Variants in DENND4A observed in about 807,000 individuals in gnomAD.
DENND4A encodes the protein C-myc promoter-binding protein.
In DENND4A, 70 loss-of-function variants were observed where a neutral mutation model predicts 199.3. That is an observed-to-expected ratio of 0.35 (90% CI 0.29 to 0.43). The LOEUF (loss-of-function observed/expected upper bound fraction) is 0.43, where lower values mean the gene tolerates loss of function less well. Among genes scored for constraint, DENND4A ranks in the 20% least tolerant of loss-of-function variants. DENND4A has a pLI of 1.00. For missense variants in DENND4A, 1,723 were observed against 2,255.8 expected (o/e 0.76, Z 4.78); for synonymous variants, 686 against 766.9 (o/e 0.89, Z 1.74).
At chr15:65,717,575 A>G (rs1376509060) in intron 13 of DENND4A, among the ~76,000 whole-genome samples, 4 of 152,132 alleles carry the variant, frequency 2.6e-5, no homozygotes, top group Admixed American at 6.5e-5. Flanking sequence ...TTTCTTCTGC[A>G]TATCTGCTAA....
At chr15:65,708,215 C>T (rs1426691794) in intron 14 of DENND4A, among the ~76,000 whole-genome samples, 1 of 152,092 alleles carries the variant, frequency 6.6e-6, no homozygotes, top group African/African-American at 2.4e-5. Context: ...CTATGTTGCC[C>T]AGACTGGTCT....
intron 1 of DENND4A, among the ~76,000 whole-genome samples, chr15:65,785,848 T>C (rs1226166329): frequency 1.3e-5 from 2 of 152,112 alleles, no homozygotes; most frequent in Admixed American, 6.6e-5. Context: ...TTGGTCACTG[T>C]TCAAGAAATC....
In DENND4A at chr15:65,789,990, A is replaced by C. The variant is rs568188438; in HGVS notation, c.-102+2020T>G. On this transcript the variant is annotated intron_variant, in intron 1 of 32. Coordinates refer to ENST00000443035, the MANE Select transcript of DENND4A (RefSeq NM_001320835.1). ...GGGCAACATGGCGAAACCCCGTCTC[A>C]AAAAATACAAAAATTAGCCAAGCAC... Among the ~76,000 whole-genome samples the C allele has an allele frequency of 1.1e-4, 17 of 152,302 alleles. No individual in the cohort carries two copies. The South Asian group carries it at 3.5e-3, about 32-fold the overall frequency.
At chr15:65,706,710 G>T (rs558404913) in intron 14 of DENND4A, among the ~76,000 whole-genome samples, 1 of 152,056 alleles carries the variant, frequency 6.6e-6, no homozygotes, top group African/African-American at 2.4e-5. Flanking sequence ...TGGCCAGGAC[G>T]GTCTCGATCT....
intron 1 of DENND4A, chr15:65,771,923 G>C: frequency 6.2e-7 from 1 of 1,610,574 alleles, no homozygotes; most frequent in Non-Finnish European, 8.5e-7. Flanking sequence ...TTCAAAGCAA[G>C]CTTTCTATAA....
At chr15:65,697,411 C>CT (rs1009594283) in intron 20 of DENND4A, 28 bp from the exon 21 acceptor site, 1 of 1,375,174 alleles carries the variant, frequency 7.3e-7, no homozygotes, top group Non-Finnish European at 1.0e-6. Context: ...AAACAAAACT[C>CT]TATTAGAAAC....
rs1317388081 is a variant in DENND4A at position 65,667,984 on chromosome 15, T to C, written c.4927A>G (p.Thr1643Ala). 1 of 1,612,310 alleles carries C rather than the reference T, an allele frequency of 6.2e-7. No individual in the cohort carries two copies. Among genetic ancestry groups the C allele is most frequent in the Non-Finnish European group, 8.5e-7 (1 of 1,179,530 alleles). The change falls in exon 28 of 33, where the codon ACT becomes GCT. Residue 1643 changes from threonine (T) to alanine (A), a missense_variant. Physicochemically the swap from Thr to Ala is moderately conservative, Grantham distance 58 (BLOSUM62 0). Transcript: ENST00000443035. ...GTAGAAATGAGCTTCTGTCTTCCAG[T>C]ATCTTCCTTATCCAAGGGGCCAGAA... The part of the protein sequence containing the change: ...STSGPLDKED[T>A]GRQKLISTGS...
At position 65,746,251 on chromosome 15, in the gene DENND4A, A is replaced by G. The variant is rs151160116; in HGVS notation, c.562-4467T>C. Among the ~76,000 whole-genome samples, 331 of 152,188 alleles carry G rather than the reference A, an allele frequency of 2.2e-3. 1 individual carries two copies. Among genetic ancestry groups the G allele is most frequent in the African/African-American group, 6.8e-3 (284 of 41,522 alleles). On this transcript the variant is annotated intron_variant, in intron 4 of 32. Transcript: ENST00000443035. ...TAAAACTACTTTAAACTCTCTACCA[A>G]TAAGTATCCACATTGTGGTTTGCCA...
chr15:65,731,952 CA>C (rs1352001882), intron 8 of DENND4A, among the ~76,000 whole-genome samples: 1 of 152,070 alleles, frequency 6.6e-6, no homozygotes, highest in African/African-American at 2.4e-5. Flanking sequence ...GCCATTTTAA[CA>C]AATTCACACT....
At chr15:65,675,564 T>TAA (rs915458210) in intron 24 of DENND4A, among the ~76,000 whole-genome samples, 8 of 139,758 alleles carry the variant, frequency 5.7e-5, no homozygotes, top group South Asian at 2.3e-4. Flanking sequence ...CTAAAAACAT[T>TAA]AAAAAAAAAA....
intron 1 of DENND4A, chr15:65,771,900 G>A: frequency 1.2e-6 from 2 of 1,611,640 alleles, no homozygotes; most frequent in Non-Finnish European, 1.7e-6. Flanking sequence ...CATGGTTTTT[G>A]TCTGGATGAA....
At chr15:65,757,969 G>GA (rs1468606661) in intron 2 of DENND4A, among the ~76,000 whole-genome samples, 2 of 151,806 alleles carry the variant, frequency 1.3e-5, no homozygotes, top group Non-Finnish European at 2.9e-5. Context: ...CAACAAGAGC[G>GA]AAACTCTATC....
intron 1 of DENND4A, among the ~76,000 whole-genome samples, chr15:65,783,303 T>C (rs993420119): frequency 6.6e-6 from 1 of 152,192 alleles, no homozygotes; most frequent in Non-Finnish European, 1.5e-5. Flanking sequence ...AGTTAATAGA[T>C]GTCAGATGGC....
In DENND4A at chr15:65,660,313, A is replaced by G. The variant is rs1266336364; in HGVS notation, c.*1538T>C. 3.3e-6 allele frequency: 5 copies of G among 1,534,850 alleles called. No individual in the cohort carries two copies. The highest frequency in any genetic ancestry group is 4.4e-6 in the Non-Finnish European group (5 of 1,146,298). The stretch of plus-strand genomic sequence containing the variant: ...CTGTGAAATGTTTCAGCATGGTGCT[A>G]TTCACTAATGGTGTGAACTCAAAAG... On this transcript the variant is annotated 3_prime_UTR_variant, in exon 33 of 33. Coordinates refer to ENST00000443035, the MANE Select transcript of DENND4A (RefSeq NM_001320835.1).
chr15:65,709,922 GATAAATA>G (rs1748359792), intron 14 of DENND4A, among the ~76,000 whole-genome samples: 1 of 151,516 alleles, frequency 6.6e-6, no homozygotes, highest in South Asian at 2.1e-4. Context: ...ATTTTGAATA[GATAAATA>G]ACATTTTAGG....
At chr15:65,751,850 G>C (rs929042337) in intron 4 of DENND4A, among the ~76,000 whole-genome samples, 1 of 152,116 alleles carries the variant, frequency 6.6e-6, no homozygotes, top group Non-Finnish European at 1.5e-5. Flanking sequence ...TGAGGAATGG[G>C]ACAGAATATA....
At chr15:65,702,191 C>A in intron 17 of DENND4A, 114 bp downstream of exon 17, 1 of 900,046 alleles carries the variant, frequency 1.1e-6, no homozygotes. Flanking sequence ...ATCTCTTGAG[C>A]TCAAGAGGTT....
chr15:65,742,880 A>C (rs1004889997), intron 4 of DENND4A, among the ~76,000 whole-genome samples: 5 of 152,188 alleles, frequency 3.3e-5, no homozygotes, highest in East Asian at 1.9e-4. Context: ...ATAGTAGTTA[A>C]ATAAGTTTTA....
At chr15:65,760,126 G>A (rs1042316327) in intron 2 of DENND4A, among the ~76,000 whole-genome samples, 16 of 152,070 alleles carry the variant, frequency 1.1e-4, no homozygotes, top group African/African-American at 3.9e-4. Flanking sequence ...AATTACTCTG[G>A]TAAAGTATTT....
Sources: allele counts gnomAD v4.1 joint callset (sites outside exome capture counted in the v4.1 genomes callset), GRCh38; gene constraint gnomAD v4.1.1; transcripts MANE v1.5; gene names NCBI Gene and HGNC (gene_info 2026-07-23, HGNC 2026-07-21).